Variants in ATP1B3 observed in about 807,000 individuals in gnomAD.
ATP1B3 encodes the protein sodium/potassium-transporting ATPase subunit beta-3.
Under a neutral mutation model 30.2 loss-of-function variants are expected in ATP1B3, and 10 were observed. The observed-to-expected ratio is 0.33, with a 90% CI of 0.20 to 0.56. The LOEUF is 0.56. Among genes scored for constraint, ATP1B3 ranks in the 20% least tolerant of loss-of-function variants. The probability of loss-of-function intolerance (pLI) is 0.90; values close to 1 mark genes in which losing one functional copy is unlikely to be tolerated. For synonymous variants in ATP1B3, 113 were observed against 117.0 expected (o/e 0.97, Z 0.22); for missense variants, 238 against 336.7 (o/e 0.71, Z 2.29).
intron 6 of ATP1B3, among the ~76,000 whole-genome samples, chr3:141,923,375 A>T (rs1934600944): frequency 1.3e-5 from 2 of 152,096 alleles, no homozygotes; most frequent in Non-Finnish European, 2.9e-5. Flanking sequence ...CTAGCAGGTT[A>T]GCATGCTCAG....
At chr3:141,904,911 A>G (rs1186736346) in intron 2 of ATP1B3, among the ~76,000 whole-genome samples, 2 of 151,760 alleles carry the variant, frequency 1.3e-5, no homozygotes, top group African/African-American at 2.4e-5. Context: ...GGGTTTCACC[A>G]CGTTGGCCAG....
chr3:141,925,408 C>T (rs1934640585), intron 6 of ATP1B3, 123 bp from the exon 7 acceptor site: 13 of 986,864 alleles, frequency 1.3e-5, no homozygotes, highest in Non-Finnish European at 1.9e-5. Flanking sequence ...ATAATTGCAC[C>T]ACTGCACTGC....
intron 3 of ATP1B3, among the ~76,000 whole-genome samples, chr3:141,911,141 T>A (rs942605112): frequency 6.6e-6 from 1 of 152,200 alleles, no homozygotes; most frequent in African/African-American, 2.4e-5. Flanking sequence ...AATTATCCTC[T>A]GTTACCACTT....
At chr3:141,920,267 ATCTGGTAGGAAACCCAC>A (rs1162122904) in intron 5 of ATP1B3, among the ~76,000 whole-genome samples, 1 of 152,038 alleles carries the variant, frequency 6.6e-6, no homozygotes, top group Admixed American at 6.6e-5. Context: ...TAAGTGTGGT[ATCTGGTAGGAAACCCAC>A]TCTGGGTTGG....
In ATP1B3 at chr3:141,923,981, T is replaced by C. The variant is rs1363573025; in HGVS notation, c.670-1550T>C. Among the ~76,000 whole-genome samples the C allele has an allele frequency of 7.2e-5, 11 of 152,340 alleles. 1 individual carries two copies. In the East Asian group the frequency reaches 2.1e-3, roughly 29 times the overall value. ...CCTTGATTCCTTGGTTAAGGTGGTATGAGCGAGGTTTCTACAATATACTTT... is the reference window on the plus strand; with the variant it reads ...CCTTGATTCCTTGGTTAAGGTGGTACGAGCGAGGTTTCTACAATATACTTT... On this transcript the variant is annotated intron_variant, in intron 6 of 6. Coordinates refer to ENST00000286371, the MANE Select transcript of ATP1B3 (RefSeq NM_001679.4).
At chr3:141,892,215 T>G (rs748960168) in intron 1 of ATP1B3, among the ~76,000 whole-genome samples, 1 of 152,210 alleles carries the variant, frequency 6.6e-6, no homozygotes, top group African/African-American at 2.4e-5. Flanking sequence ...GTATCTTCTT[T>G]ATGTGTTTTT....
intron 2 of ATP1B3, among the ~76,000 whole-genome samples, chr3:141,904,305 C>CT (rs202114170): frequency 0.13 from 19,243 of 143,598 alleles, 1,262 homozygotes; most frequent in Middle Eastern, 0.17. Context: ...GTTTCGGTTT[C>CT]TTTTTTTTTT....
Position 141,876,703 on chromosome 3 carries a change from C to G in ATP1B3, c.-99C>G, listed in dbSNP as rs551856249. 5 of 834,720 alleles carry G rather than the reference C, an allele frequency of 6.0e-6. No individual in the cohort carries two copies. The South Asian group carries it at 6.2e-5, about 10-fold the overall frequency. The allele number at this position is 834,720 out of a possible 1,614,324, so 51.7% of individuals were successfully genotyped here. A position where few individuals can be genotyped will look rare whatever the true frequency, so the allele number is the denominator to read the frequency against. On this transcript the variant is annotated 5_prime_UTR_variant, in exon 1 of 7. Coordinates refer to ENST00000286371, the MANE Select transcript of ATP1B3 (RefSeq NM_001679.4). ...TCTCGGCCGTCCCACCCTTCACTGC[C>G]GTCTCCGGGCTGCGCCGCCGGAGCC...
At chr3:141,901,029 C>T (rs1282912064) in intron 1 of ATP1B3, among the ~76,000 whole-genome samples, 2 of 152,184 alleles carry the variant, frequency 1.3e-5, no homozygotes, top group East Asian at 1.9e-4. Flanking sequence ...GTGATCTGCC[C>T]GCCTTGGCCT....
intron 3 of ATP1B3, among the ~76,000 whole-genome samples, chr3:141,907,559 T>C (rs924254342): frequency 2.0e-5 from 3 of 151,940 alleles, no homozygotes; most frequent in African/African-American, 4.8e-5. Flanking sequence ...AATAATCGCT[T>C]GAGCCTGGGA....
intron 1 of ATP1B3, among the ~76,000 whole-genome samples, chr3:141,898,029 A>C (rs1170237497): frequency 6.6e-6 from 1 of 152,212 alleles, no homozygotes; most frequent in Admixed American, 6.5e-5. Flanking sequence ...TTTTTTAAAC[A>C]GTAGTGGGAC....
intron 1 of ATP1B3, among the ~76,000 whole-genome samples, chr3:141,885,679 C>T (rs1933815533): frequency 6.6e-6 from 1 of 152,050 alleles, no homozygotes; most frequent in Non-Finnish European, 1.5e-5. Context: ...AACTCTTGAC[C>T]TCAGGTGATC....
chr3:141,913,897 CTA>C, intron 4 of ATP1B3, 61 bp downstream of exon 4: 11 of 1,462,454 alleles, frequency 7.5e-6, no homozygotes, highest in Non-Finnish European at 1.0e-5. Flanking sequence ...AAGGAGGCAA[CTA>C]TTTTTAGATT....
chr3:141,879,244 G>A (rs1321009046), intron 1 of ATP1B3, among the ~76,000 whole-genome samples: 5 of 151,972 alleles, frequency 3.3e-5, no homozygotes, highest in African/African-American at 9.7e-5. Flanking sequence ...TTTTAGACAG[G>A]TTTCCCTATA....
intron 1 of ATP1B3, among the ~76,000 whole-genome samples, chr3:141,890,086 C>CTTTTTTTTTTTTT (rs1245235657): frequency 6.5e-5 from 7 of 107,524 alleles, no homozygotes; most frequent in Non-Finnish European, 9.1e-5. Context: ...AATTTTTTTT[C>CTTTTTTTTTTTTT]TTTTTTTTTT....
chr3:141,907,886 A>G (rs1934290277), intron 3 of ATP1B3, among the ~76,000 whole-genome samples: 1 of 152,138 alleles, frequency 6.6e-6, no homozygotes, highest in Non-Finnish European at 1.5e-5. Context: ...CATTAAAACT[A>G]AATATTTTAA....
Position 141,876,861 on chromosome 3 carries a change from C to G in ATP1B3, c.60C>G (p.Ile20Met). ...GCCTGGCCGAGTGGAAGCTCTTCATCTACAACCCGACCACCGGAGAATTCC... is the reference window on the plus strand; with the variant it reads ...GCCTGGCCGAGTGGAAGCTCTTCATGTACAACCCGACCACCGGAGAATTCC... ...NQSLAEWKLFIYNPTTGEFLG... is the reference protein window; with the variant it reads ...NQSLAEWKLFMYNPTTGEFLG... Residue 20 changes from isoleucine to methionine, a missense_variant, in exon 1 of 7, where the codon ATC becomes ATG. By Grantham distance (10) the Ile-to-Met change is conservative (BLOSUM62 1). Around this residue, in one of 3 missense-constraint regions of ATP1B3, gnomAD observed 130 missense variants for 148.8 expected, o/e 0.87. Coordinates refer to ENST00000286371, the MANE Select transcript of ATP1B3 (RefSeq NM_001679.4). 1 of 1,584,142 alleles carries G rather than the reference C, an allele frequency of 6.3e-7. No homozygotes were observed. The highest frequency in any genetic ancestry group is 8.6e-7 in the Non-Finnish European group (1 of 1,165,276).
chr3:141,876,761 T>C lies in ATP1B3; in HGVS notation c.-41T>C. Reference sequence around the variant, plus strand: ...GCCTCCGCAGCCCTCGCCGCCTCCATCCCCGCGGCCGCAGCTCCTCTCGCC... The same window carrying C: ...GCCTCCGCAGCCCTCGCCGCCTCCACCCCCGCGGCCGCAGCTCCTCTCGCC... On this transcript the variant is annotated 5_prime_UTR_variant, in exon 1 of 7. Transcript: ENST00000286371. 1.3e-6 allele frequency: 2 copies of C among 1,526,888 alleles called. No individual in the cohort carries two copies. The highest frequency in any genetic ancestry group is 1.4e-5 in the African/African-American group (1 of 70,210). 94.6% of individuals were successfully genotyped at this position (1,526,888 alleles called of 1,614,324 possible).
chr3:141,877,944 A>G (rs1933639646), intron 1 of ATP1B3, among the ~76,000 whole-genome samples: 2 of 152,212 alleles, frequency 1.3e-5, no homozygotes, highest in South Asian at 4.1e-4. Context: ...GTGGGAATAA[A>G]TCTCGAGAGC....
Sources: allele counts gnomAD v4.1 joint callset (sites outside exome capture counted in the v4.1 genomes callset), GRCh38; gene constraint gnomAD v4.1.1; regional missense constraint gnomAD v4.1.1; transcripts MANE v1.5; gene names NCBI Gene and HGNC (gene_info 2026-07-23, HGNC 2026-07-21).